Variants in GPC5 observed in about 807,000 individuals in gnomAD.
GPC5 encodes glypican-5.
Under a neutral mutation model 53.9 loss-of-function variants are expected in GPC5, and 47 were observed. The ratio of observed to expected loss-of-function variants is 0.87; its 90% CI spans 0.69 to 1.11. The LOEUF (loss-of-function observed/expected upper bound fraction) is 1.11. GPC5 is among the 50% of genes most tolerant of loss of function. GPC5 has a pLI of 0.00. For synonymous variants in GPC5, 286 were observed against 263.3 expected (o/e 1.09, Z -0.84); for missense variants, 748 against 713.1 (o/e 1.05, Z -0.56).
At chr13:92,441,293 TC>T (rs1483079921) in intron 7 of GPC5, among the ~76,000 whole-genome samples, 1 of 152,228 alleles carries the variant, frequency 6.6e-6, no homozygotes, top group East Asian at 1.9e-4. Flanking sequence ...CATCTCAAAC[TC>T]CTGGCCTCAA....
intron 7 of GPC5, among the ~76,000 whole-genome samples, chr13:92,808,331 GT>G (rs1220824160): frequency 6.6e-6 from 1 of 152,060 alleles, no homozygotes; most frequent in Non-Finnish European, 1.5e-5. Flanking sequence ...CAGCTTCTTA[GT>G]TTGATAGATT....
Position 92,568,420 on chromosome 13 carries a change from C to T in GPC5, c.1562-297862C>T, listed in dbSNP as rs558017270. Among the ~76,000 whole-genome samples, 4 of 152,200 alleles carry T rather than the reference C, an allele frequency of 2.6e-5. No homozygotes were observed. The East Asian group carries it at 7.7e-4, about 29-fold the overall frequency. On this transcript the variant is annotated intron_variant, in intron 7 of 7. Transcript: ENST00000377067. ...GACAATTAGATTTAGTATTGCTCAG[C>T]ACGGGAGAATACTTTTTATTTATCC...
At chr13:92,303,905 G>A (rs559790610) in intron 7 of GPC5, among the ~76,000 whole-genome samples, 30 of 152,290 alleles carry the variant, frequency 2.0e-4, no homozygotes, top group Admixed American at 1.8e-3. Context: ...CATAAACTAG[G>A]AGGGTAAGCA....
intron 2 of GPC5, among the ~76,000 whole-genome samples, chr13:91,571,160 T>C (rs1387093397): frequency 6.6e-6 from 1 of 152,166 alleles, no homozygotes. Flanking sequence ...TAAGTCAGAG[T>C]TTATTTTACC....
chr13:91,815,012 G>C (rs1329788920), intron 5 of GPC5, among the ~76,000 whole-genome samples: 1 of 152,076 alleles, frequency 6.6e-6, no homozygotes, highest in Non-Finnish European at 1.5e-5. Context: ...TTTGTTTTCA[G>C]TGCTAATTTT....
chr13:92,555,882 A>T (rs9584039), intron 7 of GPC5, among the ~76,000 whole-genome samples: 3 of 151,050 alleles, frequency 2.0e-5, no homozygotes, highest in Non-Finnish European at 3.0e-5. Flanking sequence ...ATTAGAGTGC[A>T]GCCAAGAAGA....
intron 7 of GPC5, among the ~76,000 whole-genome samples, chr13:92,396,056 T>C (rs1262403222): frequency 9.7e-6 from 1 of 103,456 alleles, no homozygotes; most frequent in African/African-American, 4.0e-5. Context: ...TTTCATTCTG[T>C]TGTTTCTTTT....
intron 7 of GPC5, among the ~76,000 whole-genome samples, chr13:92,366,007 C>A (rs2043604814): frequency 6.6e-6 from 1 of 151,676 alleles, no homozygotes; most frequent in South Asian, 2.1e-4. Flanking sequence ...ATGCACTGCA[C>A]ATCATTGTAT....
intron 6 of GPC5, among the ~76,000 whole-genome samples, chr13:92,138,451 C>A (rs542679689): frequency 6.6e-6 from 1 of 150,466 alleles, no homozygotes; most frequent in Non-Finnish European, 1.5e-5. Flanking sequence ...ACCCGGGAGG[C>A]GGAGGTTGCA....
intron 6 of GPC5, among the ~76,000 whole-genome samples, chr13:92,045,015 A>C (rs770120680): frequency 1.3e-5 from 2 of 152,244 alleles, no homozygotes; most frequent in Non-Finnish European, 2.9e-5. Context: ...ATAGCAAGTC[A>C]GAGTGAGAAG....
chr13:92,408,214 A>C (rs1875878031), intron 7 of GPC5, among the ~76,000 whole-genome samples: 1 of 152,176 alleles, frequency 6.6e-6, no homozygotes. Context: ...CTAATGCCTG[A>C]TGATCTGTCA....
At chr13:91,451,787 T>A (rs1399253284) in intron 2 of GPC5, among the ~76,000 whole-genome samples, 1 of 151,530 alleles carries the variant, frequency 6.6e-6, no homozygotes, top group Non-Finnish European at 1.5e-5. Context: ...CCAGCTAATT[T>A]TTGTATTTTT....
At chr13:92,605,292 A>G (rs1414066065) in intron 7 of GPC5, among the ~76,000 whole-genome samples, 1 of 152,192 alleles carries the variant, frequency 6.6e-6, no homozygotes, top group African/African-American at 2.4e-5. Flanking sequence ...ATTTTTAAAA[A>G]TGGTTTGTGA....
chr13:91,892,574 A>G (rs1240656210), intron 5 of GPC5, among the ~76,000 whole-genome samples: 6 of 151,666 alleles, frequency 4.0e-5, no homozygotes, highest in Non-Finnish European at 7.4e-5. Flanking sequence ...GTGAAAGCCT[A>G]CTAAGCAAGC....
At chr13:91,847,235 A>AG (rs1430006118) in intron 5 of GPC5, among the ~76,000 whole-genome samples, 6 of 151,592 alleles carry the variant, frequency 4.0e-5, no homozygotes, top group Admixed American at 6.6e-5. Context: ...AAAAAAAAAA[A>AG]AAAGAAATGG....
intron 3 of GPC5, among the ~76,000 whole-genome samples, chr13:91,726,184 T>A (rs2036572699): frequency 6.6e-6 from 1 of 152,224 alleles, no homozygotes; most frequent in African/African-American, 2.4e-5. Flanking sequence ...ACCTTATCCT[T>A]ATGCTTCTTT....
intron 7 of GPC5, among the ~76,000 whole-genome samples, chr13:92,516,274 G>A (rs1409232683): frequency 1.3e-5 from 2 of 152,058 alleles, no homozygotes; most frequent in Non-Finnish European, 2.9e-5. Context: ...TATAGCAATA[G>A]TTAACATATT....
At chr13:92,613,989 C>T (rs906114347) in intron 7 of GPC5, among the ~76,000 whole-genome samples, 1 of 151,906 alleles carries the variant, frequency 6.6e-6, no homozygotes, top group African/African-American at 2.4e-5. Context: ...GAATTTAAGA[C>T]TGAATGGGAA....
At chr13:92,817,772 G>A (rs1406214267) in intron 7 of GPC5, among the ~76,000 whole-genome samples, 3 of 152,000 alleles carry the variant, frequency 2.0e-5, no homozygotes, top group South Asian at 4.1e-4. Context: ...GAAACAAACA[G>A]TTTTAGTATA....
Sources: allele counts gnomAD v4.1 joint callset (sites outside exome capture counted in the v4.1 genomes callset), GRCh38; gene constraint gnomAD v4.1.1; transcripts MANE v1.5; gene names NCBI Gene and HGNC (gene_info 2026-07-23, HGNC 2026-07-21).